Variants in NLRP12 observed in about 807,000 individuals in gnomAD.
The protein encoded by NLRP12 is NACHT, LRR and PYD domains-containing protein 12.
In NLRP12, 108 loss-of-function variants were observed where a neutral mutation model predicts 91.2. The observed-to-expected ratio is 1.18, with a 90% CI of 1.01 to 1.39. The LOEUF (loss-of-function observed/expected upper bound fraction) is 1.39. NLRP12 is among the 40% of genes most tolerant of loss of function. The pLI, the probability that NLRP12 is intolerant of heterozygous loss-of-function variation, is 0.00. For missense variants in NLRP12, 1,530 were observed against 1,352.7 expected, an observed-to-expected ratio of 1.13 and a Z score of -2.06; for synonymous variants, 613 against 566.7, an observed-to-expected ratio of 1.08 and a Z score of -1.16.
rs866186495 is a variant in NLRP12 at position 53,823,460 on chromosome 19, T to A, written c.289+426A>T. 6.2e-3 allele frequency among the ~76,000 whole-genome samples: 688 copies of A among 111,110 alleles called. 7 individuals are homozygous for A. The highest frequency in any genetic ancestry group is 0.014 in the African/African-American group (398 of 28,192). 72.9% of individuals were successfully genotyped at this position (111,110 alleles called of 152,430 possible). A position where few individuals can be genotyped will look rare whatever the true frequency, so the allele number is the denominator to read the frequency against. On this transcript the variant is annotated intron_variant, in intron 1 of 9. Transcript: ENST00000324134. ...AAATATATGTTTTAAATATATATTT[T>A]AAATATATATTTAAAATATATATTT... is the stretch of plus-strand genomic sequence containing the variant.
At position 53,795,663 on chromosome 19, in the gene NLRP12, C is replaced by T. The variant is rs142581534; in HGVS notation, c.3098+196G>A. 1.2e-4 allele frequency among the ~76,000 whole-genome samples: 18 copies of T among 152,178 alleles called. 1 individual carries two copies. In the East Asian group the frequency reaches 1.4e-3, roughly 11 times the overall value. On this transcript the variant is annotated intron_variant, in intron 9 of 9. Coordinates refer to ENST00000324134, the MANE Select transcript of NLRP12 (RefSeq NM_144687.4). ...TGCTGGGATTATAGGTGTGAGCCAC[C>T]GCGCCCGGCCTCAGACAAGGAAATT...
intron 1 of NLRP12, among the ~76,000 whole-genome samples, chr19:53,823,088 TATACACACACAC>T (rs1326346555): frequency 3.3e-5 from 5 of 151,466 alleles, no homozygotes; most frequent in African/African-American, 1.2e-4. Flanking sequence ...TTAAAATATA[TATACACACACAC>T]ATATACACAC....
rs2122672112 is a variant in NLRP12, at chr19:53,810,569, C to G, written c.1090G>C (p.Gly364Arg). ...LEHPRHVEIL[G>R]FSEAERKEYF... The stretch of plus-strand genomic sequence containing the variant: ...TCCTTCCTTTCTGCCTCAGAGAAGC[C>G]CAGGATCTCCACATGCCTGGGGTGC... The change falls in exon 3 of 10, where the codon GGC (glycine) becomes CGC (arginine). Residue 364 changes from glycine (G) to arginine (R), a missense_variant. Coordinates refer to ENST00000324134, the MANE Select transcript of NLRP12 (RefSeq NM_144687.4). 1 of 1,614,050 alleles carries G rather than the reference C, an allele frequency of 6.2e-7. No homozygotes were observed. The highest frequency in any genetic ancestry group is 8.5e-7 in the Non-Finnish European group (1 of 1,180,020).
chr19:53,803,848 A>T, intron 6 of NLRP12, 104 bp downstream of exon 6: 1 of 1,158,068 alleles, frequency 8.6e-7, no homozygotes, highest in Non-Finnish European at 1.3e-6. Flanking sequence ...TGCCGGGATT[A>T]CAGGCGTGAG....
chr19:53,807,472 C>T (rs772982300), intron 4 of NLRP12, 23 bp downstream of exon 4: 134 of 1,609,242 alleles, frequency 8.3e-5, no homozygotes, highest in Middle Eastern at 1.7e-4. Context: ...CCACCTGAAA[C>T]GCCCAGACCA....
At chr19:53,819,685 A>G (rs62143202) in intron 1 of NLRP12, among the ~76,000 whole-genome samples, 454 of 9,636 alleles carry the variant, frequency 0.047, 68 homozygotes, top group African/African-American at 0.1. Flanking sequence ...GTATGTATAC[A>G]TATATATACA....
Position 53,803,860 on chromosome 19 carries a change from C to T in NLRP12, c.2585+92G>A, listed in dbSNP as rs1006460273. ...AAGTGCCGGGATTACAGGCGTGAGC[C>T]ACTGCGCCCGACCTGTGGATGCATT... On this transcript the variant is annotated intron_variant, in intron 6 of 9. Transcript: ENST00000324134. The T allele has an allele frequency of 8.4e-6, 11 of 1,302,422 alleles. No individual in the cohort carries two copies. The African/African-American group carries it at 1.6e-4, about 19-fold the overall frequency. The allele number at this position is 1,302,422 out of a possible 1,614,324, so 80.7% of individuals were successfully genotyped here. A position where few individuals can be genotyped will look rare whatever the true frequency, so the allele number is the denominator to read the frequency against.
At position 53,810,121 on chromosome 19, in the gene NLRP12, A is replaced by T. The variant is rs759658980; in HGVS notation, c.1538T>A (p.Ile513Asn). ...AAAGAATTCCTGGAAACTCAAGTGG[A>T]TGAAGCTGTAGTACCTCTCACAGTT... is the stretch of plus-strand genomic sequence containing the variant. ...DINCERYYSF[I>N]HLSFQEFFAA... Residue 513 changes from isoleucine to asparagine, a missense_variant, in exon 3 of 10, where the codon ATC becomes AAC. Coordinates refer to ENST00000324134, the MANE Select transcript of NLRP12 (RefSeq NM_144687.4). 1.2e-6 allele frequency: 2 copies of T among 1,614,152 alleles called. No homozygotes were observed. Among genetic ancestry groups the T allele is most frequent in the Admixed American group, 3.3e-5 (2 of 60,010 alleles).
Position 53,804,097 on chromosome 19 carries a change from C to CA in NLRP12, c.2439_2440insT (p.Gly814TrpfsTer18). On this transcript the variant is annotated frameshift_variant, in exon 6 of 10. Transcript: ENST00000324134. LOFTEE classifies it high-confidence loss of function. ...ACAGAAGCCATCTCCTGACAAGCCC[C>CA]GGACTCCAGCTGACACTTCCTCAAC... 1 of 1,613,990 alleles carries CA rather than the reference C, an allele frequency of 6.2e-7. No homozygotes were observed. Among genetic ancestry groups the CA allele is most frequent in the Admixed American group, 1.7e-5 (1 of 59,980 alleles).
In NLRP12 at chr19:53,809,975, A is replaced by C. The variant is rs1200180060; in HGVS notation, c.1684T>G (p.Phe562Val). Residue 562 changes from phenylalanine (F) to valine (V), a missense_variant, in exon 3 of 10, where the codon TTC becomes GTC. Physicochemically the swap from Phe to Val is conservative, Grantham distance 50 (BLOSUM62 -1). Coordinates refer to ENST00000324134, the MANE Select transcript of NLRP12 (RefSeq NM_144687.4). ...ERSFLALTSR[F>V]LFGLLNEETR... ...TCCTCGTTCAGGAGTCCAAACAGGA[A>C]GCGGCTGGTGAGTGCCAGGAAGCTC... is the stretch of plus-strand genomic sequence containing the variant. 6.2e-7 allele frequency: 1 copy of C among 1,614,104 alleles called. No individual in the cohort carries two copies. Among genetic ancestry groups the C allele is most frequent in the Non-Finnish European group, 8.5e-7 (1 of 1,180,020 alleles).
chr19:53,823,422 AT>A (rs368815949), intron 1 of NLRP12, among the ~76,000 whole-genome samples: 640 of 46,418 alleles, frequency 0.014, 6 homozygotes, highest in African/African-American at 0.033. Flanking sequence ...TATGTTTTAA[AT>A]ATATATATTT....
At chr19:53,795,606 C>T (rs2091741488) in intron 9 of NLRP12, among the ~76,000 whole-genome samples, 1 of 151,282 alleles carries the variant, frequency 6.6e-6, no homozygotes, top group Non-Finnish European at 1.5e-5. Flanking sequence ...GATCTCCTGA[C>T]CTCGTGATCC....
chr19:53,810,513 C>T lies in NLRP12; in HGVS notation c.1146G>A (p.Glu382=). 6.2e-7 allele frequency: 1 copy of T among 1,614,140 alleles called. No individual in the cohort carries two copies. The highest frequency in any genetic ancestry group is 8.5e-7 in the Non-Finnish European group (1 of 1,180,022). ...CGTAATTGAAGACTTGGCCCGCCTG[C>T]TCTGCATTGTGGAAATACTTGTAGA... ...EYFYKYFHNA[E]QAGQVFNYVR... The change falls in exon 3 of 10, where the codon GAG becomes GAA. Residue 382 remains glutamate (E), a synonymous_variant. Coordinates refer to ENST00000324134, the MANE Select transcript of NLRP12 (RefSeq NM_144687.4).
Position 53,807,507 on chromosome 19 carries a change from AGTT to A in NLRP12, c.2228_2230del (p.Lys743_Leu744delinsIle). On this transcript the variant is annotated inframe_deletion, in exon 4 of 10. Transcript: ENST00000324134. Reference sequence around the variant, plus strand: ...AGCCTGCACTCACCTCAGGTTCTGAAGTTTGCAGTTGGGGTGTCTGAGTCCTTG... The same window carrying A: ...AGCCTGCACTCACCTCAGGTTCTGAATGCAGTTGGGGTGTCTGAGTCCTTG... 6.2e-7 allele frequency: 1 copy of A among 1,613,948 alleles called. No individual in the cohort carries two copies. Among genetic ancestry groups the A allele is most frequent in the Non-Finnish European group, 8.5e-7 (1 of 1,179,958 alleles).
chr19:53,815,701 C>T (rs560790270), intron 1 of NLRP12, among the ~76,000 whole-genome samples: 41 of 151,714 alleles, frequency 2.7e-4, no homozygotes, highest in East Asian at 7.9e-4. Context: ...CTCTGCCTCC[C>T]GGGTTCAAGT....
Position 53,805,268 on chromosome 19 carries a change from A to C in NLRP12, c.2414+12T>G, listed in dbSNP as rs1346094854. ...TGAGCTTAAGAAGTTGCTCCCGGGG[A>C]TAGAGACTCACTGAATCATCTGCAG... On this transcript the variant is annotated intron_variant, in intron 5 of 9. Coordinates refer to ENST00000324134, the MANE Select transcript of NLRP12 (RefSeq NM_144687.4). 3.7e-6 allele frequency: 6 copies of C among 1,613,448 alleles called. No homozygotes were observed. The highest frequency in any genetic ancestry group is 5.1e-6 in the Non-Finnish European group (6 of 1,179,510).
chr19:53,823,786 G>C, intron 1 of NLRP12, 100 bp downstream of exon 1: 2 of 1,347,784 alleles, frequency 1.5e-6, no homozygotes, highest in African/African-American at 1.4e-5. Context: ...CTCACCTCAA[G>C]TGATCTGCCC....
chr19:53,804,393 G>T (rs564473953), intron 5 of NLRP12, among the ~76,000 whole-genome samples: 169 of 114,876 alleles, frequency 1.5e-3, no homozygotes, highest in Admixed American at 2.2e-3. Context: ...TTTTTTTTGG[G>T]TTTTTTTGTT....
chr19:53,820,804 C>T (rs2092254685), intron 1 of NLRP12, among the ~76,000 whole-genome samples: 1 of 150,216 alleles, frequency 6.7e-6, no homozygotes, highest in Non-Finnish European at 1.5e-5. Context: ...TCTCCTGCCT[C>T]AGCCTCCTGA....
Sources: gnomAD v4.1 joint callset for allele counts (sites outside exome capture counted in the v4.1 genomes callset) on GRCh38, gnomAD v4.1.1 for gene constraint, MANE v1.5 for transcripts, NCBI Gene and HGNC (gene_info 2026-07-23, HGNC 2026-07-21) for gene names.